CSMD3: variants seen among roughly 807,000 people sequenced by gnomAD.
CSMD3 encodes the protein CUB and Sushi multiple domains 3, also known as CUB and sushi domain-containing protein 3.
CSMD3 carries 177 observed loss-of-function variants against 435.2 expected under a neutral mutation model. The observed-to-expected ratio is 0.41, with a 90% confidence interval of 0.36 to 0.46. CSMD3 has a LOEUF of 0.46. Among genes scored for constraint, CSMD3 ranks in the 20% least tolerant of loss-of-function variants. The pLI is 0.34. For synonymous variants in CSMD3, 1,656 were observed against 1,520.5 expected (o/e 1.09, Z -2.07); for missense variants, 4,265 against 4,504.6 (o/e 0.95, Z 1.52).
intron 3 of CSMD3, among the ~76,000 whole-genome samples, chr8:113,241,125 T>C (rs1331945289): frequency 6.6e-5 from 10 of 152,196 alleles, no homozygotes; most frequent in Admixed American, 6.5e-4. Context: ...TTCAGGCTTC[T>C]AGGGCAGATG....
rs2090234192 is a variant in CSMD3 at position 113,098,540 on chromosome 8, CTTTT to C, written c.917+212_917+215del. On this transcript the variant is annotated intron_variant, in intron 5 of 70. Coordinates refer to ENST00000297405, the MANE Select transcript of CSMD3 (RefSeq NM_198123.2). ...CAACTGTAGATTACAATAGGAATAA[CTTTT>C]ATTTGTTTATACAAGTTTTGAATTT... 4 of 556,364 alleles carry C rather than the reference CTTTT, an allele frequency of 7.2e-6. No individual in the cohort carries two copies. In the East Asian group the frequency reaches 1.2e-4, roughly 17 times the overall value. The allele number at this position is 556,364 out of a possible 1,614,324, so 34.5% of individuals were successfully genotyped here.
intron 4 of CSMD3, among the ~76,000 whole-genome samples, chr8:113,148,042 A>G (rs1446429919): frequency 3.3e-5 from 5 of 151,562 alleles, no homozygotes; most frequent in Non-Finnish European, 7.4e-5. Flanking sequence ...CACTTTCTCA[A>G]ACTATTTAGT....
intron 3 of CSMD3, among the ~76,000 whole-genome samples, chr8:113,221,062 G>C (rs965421504): frequency 2.0e-5 from 3 of 151,328 alleles, no homozygotes; most frequent in Non-Finnish European, 4.4e-5. Context: ...TATTTCAGAT[G>C]AAAGGAAGCT....
chr8:113,183,331 T>C (rs1564401289), intron 3 of CSMD3, among the ~76,000 whole-genome samples: 1 of 152,036 alleles, frequency 6.6e-6, no homozygotes, highest in Non-Finnish European at 1.5e-5. Flanking sequence ...TATAATTTAT[T>C]TGGCTAAAAC....
chr8:113,330,629 A>T (rs72670767), intron 1 of CSMD3, among the ~76,000 whole-genome samples: 16,155 of 151,892 alleles, frequency 0.11, 1,341 homozygotes, highest in African/African-American at 0.23. Context: ...CAGTTATGAA[A>T]ATTGAGCTGG....
intron 10 of CSMD3, among the ~76,000 whole-genome samples, chr8:112,866,894 T>C (rs2081000394): frequency 6.6e-6 from 1 of 152,202 alleles, no homozygotes; most frequent in African/African-American, 2.4e-5. Flanking sequence ...TAATAAGATG[T>C]AACTATGTAA....
intron 16 of CSMD3, among the ~76,000 whole-genome samples, chr8:112,675,715 C>A (rs1020899223): frequency 6.6e-6 from 1 of 151,964 alleles, no homozygotes; most frequent in Non-Finnish European, 1.5e-5. Flanking sequence ...CAAGGTACTG[C>A]TTAGGGGAAA....
At chr8:113,078,954 A>G (rs2089450915) in intron 5 of CSMD3, among the ~76,000 whole-genome samples, 1 of 152,204 alleles carries the variant, frequency 6.6e-6, no homozygotes, top group East Asian at 1.9e-4. Context: ...CTGATAATTT[A>G]TGAAACATTC....
At position 113,384,213 on chromosome 8, in the gene CSMD3, T is replaced by C. The variant is rs961862464; in HGVS notation, c.178+52464A>G. Among the ~76,000 whole-genome samples the C allele has an allele frequency of 9.2e-5, 14 of 152,190 alleles. 1 individual carries two copies. The highest frequency in any genetic ancestry group is 3.9e-4 in the Admixed American group (6 of 15,264). On this transcript the variant is annotated intron_variant, in intron 1 of 70. Transcript: ENST00000297405. Reference sequence around the variant, plus strand: ...TCTCTCTTCTCTACTAACTGAAGTATTCTCAAGAAAATATCTTGTTTATCT... The same window carrying C: ...TCTCTCTTCTCTACTAACTGAAGTACTCTCAAGAAAATATCTTGTTTATCT...
intron 10 of CSMD3, among the ~76,000 whole-genome samples, chr8:112,868,566 C>T (rs2081048137): frequency 6.6e-6 from 1 of 152,028 alleles, no homozygotes; most frequent in African/African-American, 2.4e-5. Flanking sequence ...TTTTCGGCTT[C>T]ATTATAATTT....
At chr8:112,720,750 A>G (rs1474739717) in intron 13 of CSMD3, among the ~76,000 whole-genome samples, 1 of 152,226 alleles carries the variant, frequency 6.6e-6, no homozygotes, top group African/African-American at 2.4e-5. Flanking sequence ...GTTGCTTCTT[A>G]AAGAGTTCAC....
chr8:112,650,341 C>T lies in CSMD3; in HGVS notation c.3013G>A (p.Val1005Met), dbSNP rs369437945. The change falls in exon 19 of 71, where the codon GTG (valine) becomes ATG (methionine). Residue 1005 changes from valine to methionine, a missense_variant. Val to Met is a conservative substitution (Grantham distance 21). Transcript: ENST00000297405. The part of the protein sequence containing the change: ...GFKIHYESVT[V>M]NTYSCLDPGI... ...GGGTCCAAACAAGAATACGTGTTCA[C>T]TGTAACACCTGGAAAACAAAGGGAA... The T allele has an allele frequency of 6.2e-7, 1 of 1,612,956 alleles. No individual in the cohort carries two copies. The highest frequency in any genetic ancestry group is 8.5e-7 in the Non-Finnish European group (1 of 1,179,032).
At chr8:112,914,150 C>A (rs1475399019) in intron 10 of CSMD3, among the ~76,000 whole-genome samples, 1 of 151,816 alleles carries the variant, frequency 6.6e-6, no homozygotes, top group African/African-American at 2.4e-5. Context: ...ATTTTCATGT[C>A]CAATGAAATT....
intron 13 of CSMD3, among the ~76,000 whole-genome samples, chr8:112,726,402 G>A (rs2076965156): frequency 6.6e-6 from 1 of 151,864 alleles, no homozygotes; most frequent in Non-Finnish European, 1.5e-5. Context: ...AGCTTAGAAT[G>A]CATTCTAAGT....
intron 38 of CSMD3, among the ~76,000 whole-genome samples, chr8:112,377,278 A>G (rs1185346390): frequency 6.6e-6 from 1 of 152,120 alleles, no homozygotes; most frequent in African/African-American, 2.4e-5. Flanking sequence ...CTAGAAATAT[A>G]AAAGTTACCA....
chr8:113,413,684 G>T (rs1445033034), intron 1 of CSMD3, among the ~76,000 whole-genome samples: 1 of 152,070 alleles, frequency 6.6e-6, no homozygotes, highest in African/African-American at 2.4e-5. Context: ...TCAACCTGTG[G>T]GATGTATTAT....
intron 35 of CSMD3, among the ~76,000 whole-genome samples, chr8:112,403,842 TATCAGAA>T (rs1264895609): frequency 6.6e-6 from 1 of 152,102 alleles, no homozygotes; most frequent in African/African-American, 2.4e-5. Context: ...AAATTATAAA[TATCAGAA>T]ATCAGAAATC....
chr8:112,345,160 A>T (rs58804086), intron 41 of CSMD3, among the ~76,000 whole-genome samples: 6,066 of 152,276 alleles, frequency 0.04, 399 homozygotes, highest in African/African-American at 0.14. Flanking sequence ...TAGTACAGAC[A>T]TTACAGGAAA....
rs139076495 is a variant in CSMD3, at chr8:113,077,150, C to A, written c.917+21606G>T. Among the ~76,000 whole-genome samples, 1,033 of 152,034 alleles carry A rather than the reference C, an allele frequency of 6.8e-3. 12 individuals carry two copies. The highest frequency in any genetic ancestry group is 0.024 in the African/African-American group (989 of 41,474). On this transcript the variant is annotated intron_variant, in intron 5 of 70. Coordinates refer to ENST00000297405, the MANE Select transcript of CSMD3 (RefSeq NM_198123.2). ...CGAGTGCATATAAAACTGGTGAAATCTGAATAATTTTGATGGATTCTATAA... is the reference window on the plus strand; with the variant it reads ...CGAGTGCATATAAAACTGGTGAAATATGAATAATTTTGATGGATTCTATAA...
Sources: gnomAD v4.1 joint callset for allele counts (sites outside exome capture counted in the v4.1 genomes callset) on GRCh38, gnomAD v4.1.1 for gene constraint, MANE v1.5 for transcripts, NCBI Gene and HGNC (gene_info 2026-07-23, HGNC 2026-07-21) for gene names.